Variants in DYRK1A observed in about 807,000 individuals in gnomAD.
DYRK1A encodes dual specificity tyrosine-phosphorylation-regulated kinase 1A.
DYRK1A carries 9 observed loss-of-function variants against 79.7 expected under a neutral mutation model. The observed-to-expected ratio is 0.11, with a 90% CI of 0.07 to 0.20. DYRK1A has a LOEUF of 0.20. Among genes scored for constraint, DYRK1A ranks in the 10% least tolerant of loss-of-function variants. DYRK1A has a pLI of 1.00. For missense variants in DYRK1A, 622 were observed against 956.0 expected, an observed-to-expected ratio of 0.65 and a Z score of 4.61; for synonymous variants, 349 against 329.7, an observed-to-expected ratio of 1.06 and a Z score of -0.63.
At position 37,490,404 on chromosome 21, in the gene DYRK1A, C is replaced by T. The variant is rs748368818; in HGVS notation, c.867C>T (p.Pro289=). 1.9e-6 allele frequency: 3 copies of T among 1,613,624 alleles called. No homozygotes were observed. Among genetic ancestry groups the T allele is most frequent in the East Asian group, 2.2e-5 (1 of 44,838 alleles). ...LKPENILLCN[P]KRSAIKIVDF... is the part of the protein sequence containing the mutation. Reference sequence around the variant, plus strand: ...CTGAAAATATCCTTCTTTGTAACCCCAAACGCAGTGCAATCAAGATAGTTG... The same window carrying T: ...CTGAAAATATCCTTCTTTGTAACCCTAAACGCAGTGCAATCAAGATAGTTG... Residue 289 remains proline, a synonymous_variant, in exon 7 of 12, where the codon CCC becomes CCT. Transcript: ENST00000647188.
chr21:37,428,634 ACT>A (rs1569313516), intron 2 of DYRK1A, among the ~76,000 whole-genome samples: 2 of 152,188 alleles, frequency 1.3e-5, no homozygotes, highest in African/African-American at 4.8e-5. Flanking sequence ...AAATAATTTC[ACT>A]CTAGGAATAA....
intron 2 of DYRK1A, among the ~76,000 whole-genome samples, chr21:37,422,343 A>G (rs1444188523): frequency 6.6e-6 from 1 of 152,178 alleles, no homozygotes; most frequent in Non-Finnish European, 1.5e-5. Flanking sequence ...TTAATGTAGC[A>G]GTTTGGTCTT....
rs746988114 is a variant in DYRK1A at position 37,472,835 on chromosome 21, T to C, written c.162T>C (p.Ser54=). 6.2e-7 allele frequency: 1 copy of C among 1,607,428 alleles called. No individual in the cohort carries two copies. Among genetic ancestry groups the C allele is most frequent in the South Asian group, 1.1e-5 (1 of 90,434 alleles). The change falls in exon 3 of 12, where the codon TCT becomes TCC. Residue 54 remains serine, a synonymous_variant. Coordinates refer to ENST00000647188, the MANE Select transcript of DYRK1A (RefSeq NM_001347721.2). The stretch of plus-strand genomic sequence containing the variant: ...CAAACATAAGTGACCAACAGGTTTC[T>C]GCCTTATCATATTCTGACCAGATTC... ...RQPNISDQQV[S]ALSYSDQIQQ...
chr21:37,486,458 C>A lies in DYRK1A; in HGVS notation c.490-9C>A. On this transcript the variant is annotated splice_polypyrimidine_tract_variant and intron_variant, in intron 5 of 11. Transcript: ENST00000647188. Reference sequence around the variant, plus strand: ...AATGAAATAGAGAATTATTCATCTTCTCTTTTAGGTTGTAAAGGCATATGA... The same window carrying A: ...AATGAAATAGAGAATTATTCATCTTATCTTTTAGGTTGTAAAGGCATATGA... 3 of 1,428,872 alleles carry A rather than the reference C, an allele frequency of 2.1e-6. No homozygotes were observed. The highest frequency in any genetic ancestry group is 2.8e-6 in the Non-Finnish European group (3 of 1,085,314). 88.5% of individuals were successfully genotyped at this position (1,428,872 alleles called of 1,614,324 possible).
intron 2 of DYRK1A, among the ~76,000 whole-genome samples, chr21:37,462,278 G>C (rs184517076): frequency 6.6e-6 from 1 of 152,076 alleles, no homozygotes; most frequent in Non-Finnish European, 1.5e-5. Flanking sequence ...GGATTTTGTT[G>C]TTCTCTTTAA....
At chr21:37,486,698 G>T in intron 6 of DYRK1A, 84 bp downstream of exon 6, 2 of 1,288,856 alleles carry the variant, frequency 1.6e-6, no homozygotes, top group Non-Finnish European at 1.0e-6. Flanking sequence ...AAAATATTTT[G>T]ATTTTATTTT....
At chr21:37,377,766 C>T (rs73216405) in intron 1 of DYRK1A, among the ~76,000 whole-genome samples, 11,490 of 152,202 alleles carry the variant, frequency 0.075, 650 homozygotes, top group Non-Finnish European at 0.11. Context: ...CTCTATTGTT[C>T]TTAATGGTCG....
At chr21:37,508,569 G>A (rs1317779874) in intron 11 of DYRK1A, among the ~76,000 whole-genome samples, 3 of 152,182 alleles carry the variant, frequency 2.0e-5, no homozygotes, top group Non-Finnish European at 2.9e-5. Flanking sequence ...TTACAGGCAT[G>A]AGCCACTGCA....
rs116234334 is a variant in DYRK1A, at chr21:37,445,936, C to T, written c.10+25552C>T. ...AGGTGGGAGTATTGCTTGAGGAGTT[C>T]GAGACCACCCTGGGCAGCCTAGTGA... On this transcript the variant is annotated intron_variant, in intron 2 of 11. Coordinates refer to ENST00000647188, the MANE Select transcript of DYRK1A (RefSeq NM_001347721.2). Among the ~76,000 whole-genome samples the T allele has an allele frequency of 5.2e-3, 791 of 152,110 alleles. 7 individuals carry two copies. Among genetic ancestry groups the T allele is most frequent in the African/African-American group, 0.018 (765 of 41,478 alleles).
intron 2 of DYRK1A, among the ~76,000 whole-genome samples, chr21:37,460,108 A>ATT (rs577575063): frequency 6.9e-6 from 1 of 145,386 alleles, no homozygotes; most frequent in Non-Finnish European, 1.5e-5. Flanking sequence ...TTTAGCATGG[A>ATT]TTTTTTTTTT....
chr21:37,395,575 T>G (rs1034076412), intron 1 of DYRK1A, among the ~76,000 whole-genome samples: 7 of 152,190 alleles, frequency 4.6e-5, no homozygotes, highest in Non-Finnish European at 7.4e-5. Flanking sequence ...AAATTTAAAT[T>G]AAATTTCTCT....
intron 11 of DYRK1A, among the ~76,000 whole-genome samples, chr21:37,509,391 C>T (rs1165961892): frequency 2.0e-5 from 3 of 152,122 alleles, no homozygotes; most frequent in Admixed American, 6.5e-5. Flanking sequence ...CACAGTATCC[C>T]GTTGTTTAGA....
rs901506802 is a variant in DYRK1A, at chr21:37,511,764, T to C, written c.1645-147T>C. ...TGAATGTATTTGGGATTTTGTGTTA[T>C]AAAACTGTCTTAACACATTAAAAGT... On this transcript the variant is annotated intron_variant, in intron 11 of 11. Coordinates refer to ENST00000647188, the MANE Select transcript of DYRK1A (RefSeq NM_001347721.2). The C allele has an allele frequency of 1.2e-4, 113 of 978,024 alleles. 5 individuals carry two copies. Among genetic ancestry groups the C allele is most frequent in the South Asian group, 1.1e-3 (61 of 53,892 alleles). The allele number at this position is 978,024 out of a possible 1,614,324, so 60.6% of individuals were successfully genotyped here.
At chr21:37,386,418 G>A (rs1211976885) in intron 1 of DYRK1A, among the ~76,000 whole-genome samples, 1 of 152,162 alleles carries the variant, frequency 6.6e-6, no homozygotes, top group Non-Finnish European at 1.5e-5. Flanking sequence ...TCACGTCGGG[G>A]CCTTCATGGA....
At chr21:37,399,731 A>G (rs571518822) in intron 1 of DYRK1A, among the ~76,000 whole-genome samples, 1 of 152,306 alleles carries the variant, frequency 6.6e-6, no homozygotes, top group Non-Finnish European at 1.5e-5. Context: ...GTCTTTCTAA[A>G]GCTTGAAGGT....
chr21:37,427,517 C>T (rs1171690195), intron 2 of DYRK1A, among the ~76,000 whole-genome samples: 3 of 152,106 alleles, frequency 2.0e-5, no homozygotes, highest in Admixed American at 6.5e-5. Context: ...CAGTATTCTG[C>T]GAATTAGTTA....
At position 37,516,190 on chromosome 21, in the gene DYRK1A, A is replaced by G. The variant is rs549949174; in HGVS notation, c.*3659A>G. 3.9e-5 allele frequency: 6 copies of G among 152,340 alleles called. No individual in the cohort carries two copies. The highest frequency in any genetic ancestry group is 1.4e-4 in the African/African-American group (6 of 41,594). 9.4% of individuals were successfully genotyped at this position (152,340 alleles called of 1,614,324 possible). ...GTCCATTTTTATAGTGGTAGACTGTATGTAATAGACCAGATGGTTCATTCC... is the reference window on the plus strand; with the variant it reads ...GTCCATTTTTATAGTGGTAGACTGTGTGTAATAGACCAGATGGTTCATTCC... On this transcript the variant is annotated 3_prime_UTR_variant, in exon 12 of 12. Coordinates refer to ENST00000647188, the MANE Select transcript of DYRK1A (RefSeq NM_001347721.2).
chr21:37,520,865 C>T lies in DYRK1A; in HGVS notation c.*8334C>T, dbSNP rs16995253. On this transcript the variant is annotated 3_prime_UTR_variant, in exon 12 of 12. Transcript: ENST00000647188. ...TACAGGGCTCAGTGCGCTTGGAGTCCTGGATTCCTCCAGGACTGCTACTGT... is the reference window on the plus strand; with the variant it reads ...TACAGGGCTCAGTGCGCTTGGAGTCTTGGATTCCTCCAGGACTGCTACTGT... 2,802 of 152,320 alleles carry T rather than the reference C, an allele frequency of 0.018. 33 individuals are homozygous for T. Among genetic ancestry groups the T allele is most frequent in the Non-Finnish European group, 0.031 (2,082 of 68,038 alleles). 9.4% of individuals were successfully genotyped at this position (152,320 alleles called of 1,614,324 possible). A position where few individuals can be genotyped will look rare whatever the true frequency, so the allele number is the denominator to read the frequency against.
intron 2 of DYRK1A, among the ~76,000 whole-genome samples, chr21:37,439,673 T>C (rs533800584): frequency 6.2e-4 from 94 of 152,310 alleles, no homozygotes; most frequent in African/African-American, 1.9e-3. Context: ...TCTGAAACCA[T>C]ATCTCCCCCC....
Sources: allele counts gnomAD v4.1 joint callset (sites outside exome capture counted in the v4.1 genomes callset), GRCh38; gene constraint gnomAD v4.1.1; transcripts MANE v1.5; gene names NCBI Gene and HGNC (gene_info 2026-07-23, HGNC 2026-07-21).